CDH26: variants seen among roughly 807,000 people sequenced by gnomAD.
CDH26 encodes cadherin 26.
In CDH26, 83 loss-of-function variants were observed where a neutral mutation model predicts 90.3. That is an observed-to-expected ratio of 0.92 (90% CI 0.77 to 1.10). CDH26 has a LOEUF of 1.10. Among genes scored for constraint, CDH26 ranks in the 50% least tolerant of loss-of-function variants. The pLI is 0.00. For missense variants in CDH26, 1,013 were observed against 1,037.6 expected (o/e 0.98, Z 0.33); for synonymous variants, 397 against 396.3 (o/e 1.00, Z -0.02).
intron 8 of CDH26, among the ~76,000 whole-genome samples, chr20:59,988,251 C>T (rs1322035355): frequency 6.6e-6 from 1 of 152,172 alleles, no homozygotes; most frequent in Non-Finnish European, 1.5e-5. Flanking sequence ...GGCAGTCTGA[C>T]CCCAGTGCCT....
intron 11 of CDH26, 56 bp downstream of exon 11, chr20:59,994,545 A>C: frequency 6.3e-7 from 1 of 1,596,290 alleles, no homozygotes; most frequent in South Asian, 1.1e-5. Flanking sequence ...TATCCAATTC[A>C]AACAGATTTA....
At chr20:60,027,002 G>C (rs1306179778) in intron 7 of CDH26, among the ~76,000 whole-genome samples, 7 of 152,194 alleles carry the variant, frequency 4.6e-5, no homozygotes, top group African/African-American at 1.4e-4. Flanking sequence ...CTGCAAGAAG[G>C]CTGGAGAAGA....
At chr20:59,989,675 T>C (rs1485894226) in intron 9 of CDH26, among the ~76,000 whole-genome samples, 1 of 152,200 alleles carries the variant, frequency 6.6e-6, no homozygotes, top group Non-Finnish European at 1.5e-5. Flanking sequence ...ATCCATAGGT[T>C]TTTCTGACCC....
At chr20:59,966,231 T>TAA (rs60088029) in intron 1 of CDH26, among the ~76,000 whole-genome samples, 946 of 76,244 alleles carry the variant, frequency 0.012, 60 homozygotes, top group African/African-American at 0.048. Flanking sequence ...GGTGTTGCAT[T>TAA]AAAAAAAAAA....
intron 15 of CDH26, 145 bp downstream of exon 15, chr20:60,001,556 T>C: frequency 7.0e-7 from 1 of 1,419,976 alleles, no homozygotes; most frequent in South Asian, 1.5e-5. Context: ...AGCTGGGCTT[T>C]TTCCACCCGA....
chr20:59,966,806 C>T (rs1295299119), intron 1 of CDH26, among the ~76,000 whole-genome samples: 2 of 152,090 alleles, frequency 1.3e-5, no homozygotes, highest in Admixed American at 6.5e-5. Context: ...ATGTTTATTA[C>T]CATAGCATTT....
chr20:60,023,969 GA>G, intron 7 of CDH26, among the ~76,000 whole-genome samples: 1 of 121,366 alleles, frequency 8.2e-6, no homozygotes, highest in Non-Finnish European at 1.9e-5. Flanking sequence ...GGGAGAGAGA[GA>G]GAGAGAGAGA....
intron 7 of CDH26, among the ~76,000 whole-genome samples, chr20:60,019,634 C>G (rs1207584273): frequency 6.6e-6 from 1 of 151,986 alleles, no homozygotes; most frequent in Non-Finnish European, 1.5e-5. Context: ...TATTTGTATT[C>G]TCTTATATCT....
At chr20:59,965,422 A>C (rs915985083) in intron 1 of CDH26, among the ~76,000 whole-genome samples, 1 of 152,264 alleles carries the variant, frequency 6.6e-6, no homozygotes, top group African/African-American at 2.4e-5. Context: ...ATATTTCTCA[A>C]TTCATTGGAC....
intron 1 of CDH26, among the ~76,000 whole-genome samples, chr20:59,966,063 T>C (rs1223464999): frequency 6.6e-6 from 1 of 152,092 alleles, no homozygotes; most frequent in Non-Finnish European, 1.5e-5. Flanking sequence ...AAAATTCTGA[T>C]TTTTGCTTGA....
At chr20:59,994,110 C>A in intron 10 of CDH26, 140 bp from the exon 11 acceptor site, 1 of 1,097,880 alleles carries the variant, frequency 9.1e-7, no homozygotes, top group Non-Finnish European at 1.3e-6. Context: ...CACGTGCATG[C>A]CAGGAGAGCT....
Position 60,006,740 on chromosome 20 carries a change from C to G in CDH26, c.2248C>G (p.Gln750Glu). ...PAYPDATMHR[Q>E]LLAPVEGRMA... is the part of the protein sequence containing the mutation. ...TTACCCAGATGCCACAATGCACAGA[C>G]AACTCCTGGCTCCGGTGGAAGGAAG... The change falls in exon 17 of 18, where the codon CAA (glutamine) becomes GAA (glutamate). Residue 750 changes from glutamine (Q) to glutamate (E), a missense_variant. Transcript: ENST00000348616. 1 of 1,614,104 alleles carries G rather than the reference C, an allele frequency of 6.2e-7. No homozygotes were observed. Among genetic ancestry groups the G allele is most frequent in the Non-Finnish European group, 8.5e-7 (1 of 1,179,968 alleles).
intron 15 of CDH26, among the ~76,000 whole-genome samples, chr20:60,002,491 A>G (rs566484409): frequency 3.2e-4 from 49 of 152,102 alleles, no homozygotes; most frequent in African/African-American, 1.2e-3. Flanking sequence ...GAGCCCTGAG[A>G]GTTGTGCCGC....
At chr20:60,000,395 C>T (rs193109720) in intron 14 of CDH26, among the ~76,000 whole-genome samples, 23 of 152,344 alleles carry the variant, frequency 1.5e-4, no homozygotes, top group African/African-American at 5.5e-4. Context: ...TGAGCATGTG[C>T]CTGGCCAGGG....
At chr20:59,985,152 A>G (rs764102264) in intron 7 of CDH26, 23 bp downstream of exon 7, 9 of 1,611,730 alleles carry the variant, frequency 5.6e-6, no homozygotes, top group Admixed American at 3.3e-5. Flanking sequence ...GGCCGCCCCA[A>G]CGTCTAAGCC....
intron 9 of CDH26, among the ~76,000 whole-genome samples, chr20:59,990,377 A>C (rs1461437314): frequency 5.9e-5 from 9 of 152,226 alleles, no homozygotes; most frequent in Admixed American, 2.0e-4. Flanking sequence ...GAAAGGGGTC[A>C]TGAGTCATGC....
intron 17 of CDH26, among the ~76,000 whole-genome samples, chr20:60,009,988 G>T (rs2061808740): frequency 6.6e-6 from 1 of 152,072 alleles, no homozygotes; most frequent in African/African-American, 2.4e-5. Context: ...GTCAGACAGT[G>T]ACCACAGTCC....
chr20:59,968,045 C>G (rs1307952536), intron 1 of CDH26, among the ~76,000 whole-genome samples: 1 of 129,202 alleles, frequency 7.7e-6, no homozygotes, highest in African/African-American at 4.0e-5. Flanking sequence ...CTCTCTCTCT[C>G]TCTCTCTGTC....
At chr20:59,985,385 G>A (rs2061444554) in intron 7 of CDH26, among the ~76,000 whole-genome samples, 1 of 152,140 alleles carries the variant, frequency 6.6e-6, no homozygotes, top group Non-Finnish European at 1.5e-5. Flanking sequence ...AAGGACGGGG[G>A]GAGCAGGCAT....
Sources: gnomAD v4.1 joint callset for allele counts (sites outside exome capture counted in the v4.1 genomes callset) on GRCh38, gnomAD v4.1.1 for gene constraint, MANE v1.5 for transcripts, NCBI Gene and HGNC (gene_info 2026-07-23, HGNC 2026-07-21) for gene names.